Variants in DHRS7B observed in about 807,000 individuals in gnomAD.
The protein encoded by DHRS7B is dehydrogenase/reductase 7B.
In DHRS7B, 24 loss-of-function variants were observed where a neutral mutation model predicts 26.4. The ratio of observed to expected loss-of-function variants is 0.91; its 90% CI spans 0.66 to 1.28. The LOEUF is 1.28. Among genes scored for constraint, DHRS7B ranks in the 50% most tolerant of loss-of-function variants. The probability of loss-of-function intolerance (pLI) is 0.00; values close to 1 mark genes in which losing one functional copy is unlikely to be tolerated. For synonymous variants in DHRS7B, 142 were observed against 166.4 expected (o/e 0.85, Z 1.13); for missense variants, 368 against 419.4 (o/e 0.88, Z 1.07).
intron 1 of DHRS7B, among the ~76,000 whole-genome samples, chr17:21,138,101 T>C (rs10888209): frequency 0.84 from 71,447 of 85,282 alleles, 30,304 homozygotes; most frequent in Middle Eastern, 0.87. Context: ...TATATATATA[T>C]ACACACACAC....
chr17:21,184,502 TG>T, intron 5 of DHRS7B, 39 bp downstream of exon 5: 1 of 1,553,470 alleles, frequency 6.4e-7, no homozygotes, highest in South Asian at 1.1e-5. Context: ...TTGGCTTTAT[TG>T]TTTTTTCCTG....
At chr17:21,139,945 A>C (rs1973452819) in intron 1 of DHRS7B, among the ~76,000 whole-genome samples, 1 of 151,826 alleles carries the variant, frequency 6.6e-6, no homozygotes, top group Admixed American at 6.6e-5. Context: ...ACACATACAC[A>C]GACATATAGG....
At chr17:21,175,054 A>G (rs1010210733) in intron 2 of DHRS7B, among the ~76,000 whole-genome samples, 1 of 152,190 alleles carries the variant, frequency 6.6e-6, no homozygotes, top group Non-Finnish European at 1.5e-5. Context: ...CAAAGAAGAT[A>G]GTGTGTCTAG....
intron 1 of DHRS7B, chr17:21,168,761 C>T (rs760717067): frequency 2.1e-4 from 205 of 985,462 alleles, no homozygotes; most frequent in Middle Eastern, 1.6e-3. Flanking sequence ...GACAGCGGCC[C>T]GGGCCAAGGA....
chr17:21,180,073 C>CT (rs59348588), intron 3 of DHRS7B, among the ~76,000 whole-genome samples: 3,476 of 121,844 alleles, frequency 0.029, 166 homozygotes, highest in African/African-American at 0.098. Context: ...AGCCCACTTT[C>CT]TTTTTTTTTT....
At chr17:21,159,326 C>A (rs1473801823) in intron 1 of DHRS7B, among the ~76,000 whole-genome samples, 2 of 151,128 alleles carry the variant, frequency 1.3e-5, no homozygotes, top group East Asian at 3.9e-4. Flanking sequence ...TGGCTCATTG[C>A]AACCTCCGCC....
chr17:21,146,616 A>C (rs1007083930), intron 1 of DHRS7B, among the ~76,000 whole-genome samples: 2 of 152,228 alleles, frequency 1.3e-5, no homozygotes, highest in Admixed American at 6.5e-5. Context: ...AGCATTTGAA[A>C]TGGTCATTCA....
intron 1 of DHRS7B, among the ~76,000 whole-genome samples, chr17:21,170,341 G>A (rs1974211395): frequency 6.6e-6 from 1 of 152,158 alleles, no homozygotes; most frequent in African/African-American, 2.4e-5. Context: ...AAGGGTCCTT[G>A]GGACCCAGCA....
rs201471227 is a variant in DHRS7B at position 21,172,096 on chromosome 17, C to T, written c.99C>T (p.Gly33=). 28 of 1,614,160 alleles carry T rather than the reference C, an allele frequency of 1.7e-5. No individual in the cohort carries two copies. The highest frequency in any genetic ancestry group is 9.3e-5 in the African/African-American group (7 of 75,042). Residue 33 remains glycine, a synonymous_variant, in exon 2 of 7, where the codon GGC becomes GGT. Transcript: ENST00000395511. The stretch of plus-strand genomic sequence containing the variant: ...TGCCCCTGCTGTTCGGCTGCCTGGG[C>T]GTCTTCGGCCTCTTCCGGCTGCTGC... ...AILPLLFGCL[G]VFGLFRLLQW...
chr17:21,191,161 A>C lies in DHRS7B; in HGVS notation c.*8A>C, dbSNP rs777672324. On this transcript the variant is annotated 3_prime_UTR_variant, in exon 7 of 7. Transcript: ENST00000395511. ...AAATCCAAGAACTCCTAGTACTCTGACCAGCCAGGGCCAGGGCAGAGAAGC... is the reference window on the plus strand; with the variant it reads ...AAATCCAAGAACTCCTAGTACTCTGCCCAGCCAGGGCCAGGGCAGAGAAGC... 23 of 1,612,848 alleles carry C rather than the reference A, an allele frequency of 1.4e-5. No individual in the cohort carries two copies. The highest frequency in any genetic ancestry group is 1.9e-5 in the Non-Finnish European group (23 of 1,179,916).
chr17:21,180,715 C>T (rs1287606383), intron 3 of DHRS7B, among the ~76,000 whole-genome samples: 3 of 152,112 alleles, frequency 2.0e-5, no homozygotes, highest in African/African-American at 4.8e-5. Context: ...GGGAAGGACC[C>T]ATACTGTTTT....
chr17:21,171,197 C>T (rs62054893), intron 1 of DHRS7B, among the ~76,000 whole-genome samples: 5,786 of 152,320 alleles, frequency 0.038, 152 homozygotes, highest in South Asian at 0.086. Flanking sequence ...CTCTTATCTC[C>T]TGCTTTGGGC....
At chr17:21,141,640 A>AAAAAACAAAAAAAG in intron 1 of DHRS7B, among the ~76,000 whole-genome samples, 1 of 90,078 alleles carries the variant, frequency 1.1e-5, no homozygotes, top group Admixed American at 1.4e-4. Context: ...AAAAAAAAAA[A>AAAAAACAAAAAAAG]CAACCTCATC....
At chr17:21,171,925 T>G (rs1217833362) in intron 1 of DHRS7B, 93 bp from the exon 2 acceptor site, 1 of 1,486,722 alleles carries the variant, frequency 6.7e-7, no homozygotes, top group African/African-American at 1.4e-5. Flanking sequence ...CAGAGGGAGA[T>G]CTGGGATTCA....
intron 2 of DHRS7B, among the ~76,000 whole-genome samples, chr17:21,172,942 C>A (rs994561167): frequency 1.3e-5 from 2 of 152,246 alleles, no homozygotes; most frequent in Non-Finnish European, 2.9e-5. Context: ...TGGCACGTTG[C>A]ACATGCACAC....
At chr17:21,172,255 C>T (rs774144621) in intron 2 of DHRS7B, 59 bp downstream of exon 2, 30 of 1,550,520 alleles carry the variant, frequency 1.9e-5, no homozygotes, top group East Asian at 2.4e-5. Flanking sequence ...GGATGAGGAG[C>T]GGCCCAGCTG....
chr17:21,153,291 A>G (rs1973811571), intron 1 of DHRS7B, among the ~76,000 whole-genome samples: 1 of 152,234 alleles, frequency 6.6e-6, no homozygotes, highest in Admixed American at 6.5e-5. Context: ...GGGACATGGC[A>G]GAGGAGAGAA....
intron 1 of DHRS7B, among the ~76,000 whole-genome samples, chr17:21,164,206 T>C (rs1427710568): frequency 6.6e-6 from 1 of 151,272 alleles, no homozygotes; most frequent in Non-Finnish European, 1.5e-5. Context: ...TTTTTTCACT[T>C]TTTTTATACA....
intron 1 of DHRS7B, chr17:21,166,510 C>G: frequency 1.0e-6 from 1 of 974,854 alleles, no homozygotes; most frequent in Non-Finnish European, 1.2e-6. Context: ...TCGAAGGCGG[C>G]CTTAATGTGG....
Sources: allele counts gnomAD v4.1 joint callset (sites outside exome capture counted in the v4.1 genomes callset), GRCh38; gene constraint gnomAD v4.1.1; transcripts MANE v1.5; gene names NCBI Gene and HGNC (gene_info 2026-07-23, HGNC 2026-07-21).